Variants in HELB observed in about 807,000 individuals in gnomAD.
HELB encodes DNA helicase B, also known as DNA 5'-3' helicase B.
In HELB, 96 loss-of-function variants were observed where a neutral mutation model predicts 101.7. That is an observed-to-expected ratio of 0.94 (90% CI 0.80 to 1.12). The LOEUF is 1.12. Among genes scored for constraint, HELB ranks in the 50% most tolerant of loss-of-function variants. The probability of loss-of-function intolerance (pLI) is 0.00; values close to 1 mark genes in which losing one functional copy is unlikely to be tolerated. For synonymous variants in HELB, 437 were observed against 459.7 expected, an observed-to-expected ratio of 0.95 and a Z score of 0.63; for missense variants, 1,210 against 1,291.9, an observed-to-expected ratio of 0.94 and a Z score of 0.97.
Position 66,326,574 on chromosome 12 carries a change from A to C in HELB, c.2670+1448A>C, listed in dbSNP as rs189966733. Reference sequence around the variant, plus strand: ...ATTTTTATGCAGAAAAATTTAGGTCAGCCCAAATTTTCTACTAGTAAACAA... The same window carrying C: ...ATTTTTATGCAGAAAAATTTAGGTCCGCCCAAATTTTCTACTAGTAAACAA... On this transcript the variant is annotated intron_variant, in intron 11 of 12. Transcript: ENST00000247815. 2.0e-5 allele frequency among the ~76,000 whole-genome samples: 3 copies of C among 152,212 alleles called. No individual in the cohort carries two copies. In the East Asian group the frequency reaches 5.8e-4, roughly 30 times the overall value.
In HELB at chr12:66,337,985, T is replaced by G; in HGVS notation, c.3163-16T>G. On this transcript the variant is annotated splice_polypyrimidine_tract_variant and intron_variant, in intron 12 of 12. Coordinates refer to ENST00000247815, the MANE Select transcript of HELB (RefSeq NM_001370285.1). The stretch of plus-strand genomic sequence containing the variant: ...TTTTTACAAAATTAACTTTGTTATT[T>G]TAATTGTTCTAACAGGTGGGAGAAT... 1 of 1,404,556 alleles carries G rather than the reference T, an allele frequency of 7.1e-7. No homozygotes were observed. The highest frequency in any genetic ancestry group is 1.0e-6 in the Non-Finnish European group (1 of 998,226). 87.0% of individuals were successfully genotyped at this position (1,404,556 alleles called of 1,614,324 possible). A position where few individuals can be genotyped will look rare whatever the true frequency, so the allele number is the denominator to read the frequency against.
At position 66,306,521 on chromosome 12, in the gene HELB, A is replaced by G. The variant is rs752557527; in HGVS notation, c.777+7A>G. On this transcript the variant is annotated splice_region_variant and intron_variant, in intron 3 of 12. Coordinates refer to ENST00000247815, the MANE Select transcript of HELB (RefSeq NM_001370285.1). ...GAAACTTGGATTTAGTAAAGTAAGT[A>G]AAACATTTGCTCAGCATATAGTAAT... 1.3e-6 allele frequency: 2 copies of G among 1,566,416 alleles called. No individual in the cohort carries two copies.
At position 66,314,138 on chromosome 12, in the gene HELB, C is replaced by G; in HGVS notation, c.1833C>G (p.Ser611=). Residue 611 remains serine, a synonymous_variant, in exon 5 of 13, where the codon TCC becomes TCG. Coordinates refer to ENST00000247815, the MANE Select transcript of HELB (RefSeq NM_001370285.1). ...KSVLNLLCEH[S]KLSKLIILGD... is the part of the protein sequence containing the mutation. ...TCTTAAATTTATTGTGTGAGCACTC[C>G]AAACTTTCTAAGCTTATTATCCTTG... is the stretch of plus-strand genomic sequence containing the variant. 6.2e-7 allele frequency: 1 copy of G among 1,613,360 alleles called. No individual in the cohort carries two copies. The highest frequency in any genetic ancestry group is 8.5e-7 in the Non-Finnish European group (1 of 1,179,446).
chr12:66,319,219 G>A (rs777804724), intron 7 of HELB, among the ~76,000 whole-genome samples: 2 of 152,188 alleles, frequency 1.3e-5, no homozygotes, highest in African/African-American at 4.8e-5. Context: ...AACAAAAATT[G>A]TGACTGTCAA....
chr12:66,339,186 G>T (rs1442210866), downstream of HELB: 1 of 152,032 alleles, frequency 6.6e-6, no homozygotes, highest in Non-Finnish European at 1.5e-5. Context: ...GGCATAAATG[G>T]TTAATAGCTT....
chr12:66,324,176 C>A lies in HELB; in HGVS notation c.2491C>A (p.Arg831=). 6.2e-7 allele frequency: 1 copy of A among 1,613,120 alleles called. No homozygotes were observed. Among genetic ancestry groups the A allele is most frequent in the Non-Finnish European group, 8.5e-7 (1 of 1,179,458 alleles). Reference sequence around the variant, plus strand: ...TAAGCGTGACTTTGAAAGTAACGTTCGACTGTGCAATGGAGAGATATTTTT... The same window carrying A: ...TAAGCGTGACTTTGAAAGTAACGTTAGACTGTGCAATGGAGAGATATTTTT... ...KNKRDFESNV[R]LCNGEIFFIT... Residue 831 remains arginine (R), a synonymous_variant, in exon 10 of 13, where the codon CGA becomes AGA. Transcript: ENST00000247815.
At chr12:66,329,015 C>T (rs966297773) in intron 11 of HELB, among the ~76,000 whole-genome samples, 3 of 152,162 alleles carry the variant, frequency 2.0e-5, no homozygotes, top group Admixed American at 2.0e-4. Context: ...GATTTTGTGG[C>T]TCTTCATACA....
chr12:66,321,292 G>GC (rs34457997), intron 7 of HELB: 1 of 152,326 alleles, frequency 6.6e-6, no homozygotes, highest in African/African-American at 2.4e-5. Flanking sequence ...TGGAATGGAT[G>GC]CCCCCGCTAT....
intron 9 of HELB, among the ~76,000 whole-genome samples, chr12:66,323,020 T>G (rs1258351184): frequency 6.6e-6 from 1 of 152,018 alleles, no homozygotes; most frequent in African/African-American, 2.4e-5. Flanking sequence ...TTTTTTTGGT[T>G]TCAACCTTGG....
intron 6 of HELB, among the ~76,000 whole-genome samples, chr12:66,316,574 AATAATAAT>A (rs1053241105): frequency 4.9e-5 from 5 of 102,972 alleles, no homozygotes; most frequent in African/African-American, 1.5e-4. Context: ...CTAAAATAAT[AATAATAAT>A]AATAATAATA....
intron 7 of HELB, among the ~76,000 whole-genome samples, chr12:66,321,050 C>T (rs188137681): frequency 2.6e-5 from 4 of 152,220 alleles, no homozygotes; most frequent in South Asian, 2.1e-4. Flanking sequence ...TGTTTTCTAG[C>T]GGTAATCTTC....
chr12:66,327,352 C>T (rs2137011157), intron 11 of HELB, among the ~76,000 whole-genome samples: 1 of 152,150 alleles, frequency 6.6e-6, no homozygotes, highest in South Asian at 2.1e-4. Flanking sequence ...TTCCTCTGTT[C>T]TGTCTCTCTA....
intron 3 of HELB, among the ~76,000 whole-genome samples, chr12:66,308,043 T>TAAAA (rs10686380): frequency 5.6e-5 from 6 of 108,024 alleles, no homozygotes; most frequent in Admixed American, 1.0e-4. Flanking sequence ...CTACCTCCTC[T>TAAAA]AAAAAAAAAA....
At position 66,310,248 on chromosome 12, in the gene HELB, A is replaced by G; in HGVS notation, c.1320A>G (p.Ile440Met). 1 of 1,614,124 alleles carries G rather than the reference A, an allele frequency of 6.2e-7. No homozygotes were observed. Among genetic ancestry groups the G allele is most frequent in the South Asian group, 1.1e-5 (1 of 91,082 alleles). ...GTGAAAATGAAATTAATGCAGAAAT[A>G]AGTGAAGTTCAGCTGGATCAGGATC... ...TNGENEINAE[I>M]SEVQLDQDQV... is the part of the protein sequence containing the mutation. The change falls in exon 4 of 13, where the codon ATA (isoleucine) becomes ATG (methionine). Residue 440 changes from isoleucine to methionine, a missense_variant. By Grantham distance (10) the Ile-to-Met change is conservative. Transcript: ENST00000247815.
chr12:66,302,926 C>T (rs7308068), intron 1 of HELB, 136 bp downstream of exon 1: 318,184 of 630,154 alleles, frequency 0.5, 83,232 homozygotes, highest in African/African-American at 0.6. Flanking sequence ...TTCATCCTAC[C>T]AAGGGTAAAA....
chr12:66,322,628 C>A, intron 8 of HELB, 96 bp from the exon 9 acceptor site: 5 of 660,970 alleles, frequency 7.6e-6, no homozygotes, highest in Non-Finnish European at 7.7e-6. Flanking sequence ...GTCTTGGAAA[C>A]GTTTTGTAGA....
rs930703922 is a variant in HELB, at chr12:66,305,001, A to G, written c.458A>G (p.Asn153Ser). Residue 153 changes from asparagine to serine, a missense_variant, in exon 2 of 13, where the codon AAC becomes AGC. Physicochemically the swap from Asn to Ser is conservative, Grantham distance 46. Transcript: ENST00000247815. Reference protein sequence around the residue: ...KFLTWVKEVSNYKNLNFENLR... With the variant: ...KFLTWVKEVSSYKNLNFENLR... ...TTAACATGGGTAAAGGAGGTATCAAACTACAAAAACCTAAACTTTGAAAAT... is the reference window on the plus strand; with the variant it reads ...TTAACATGGGTAAAGGAGGTATCAAGCTACAAAAACCTAAACTTTGAAAAT... 4 of 1,613,818 alleles carry G rather than the reference A, an allele frequency of 2.5e-6. No homozygotes were observed. Among genetic ancestry groups the G allele is most frequent in the Non-Finnish European group, 3.4e-6 (4 of 1,179,980 alleles).
Position 66,331,406 on chromosome 12 carries a change from A to G in HELB, c.2923A>G (p.Ser975Gly), listed in dbSNP as rs777167225. 8 of 1,614,108 alleles carry G rather than the reference A, an allele frequency of 5.0e-6. No individual in the cohort carries two copies. The highest frequency in any genetic ancestry group is 4.5e-5 in the East Asian group (2 of 44,896). Residue 975 changes from serine to glycine, a missense_variant, in exon 12 of 13, where the codon AGT becomes GGT. By Grantham distance (56) the Ser-to-Gly change is moderately conservative. Transcript: ENST00000247815. ...GTCCCCACGGAAGAGCTCTGGAGAC[A>G]GTGGAGGACCCAGCACACCGTCAGC... is the stretch of plus-strand genomic sequence containing the variant. ...FPSPRKSSGDSGGPSTPSASP... is the reference protein window; with the variant it reads ...FPSPRKSSGDGGGPSTPSASP...
At chr12:66,307,377 A>T (rs1366850882) in intron 3 of HELB, among the ~76,000 whole-genome samples, 3 of 147,656 alleles carry the variant, frequency 2.0e-5, no homozygotes, top group Admixed American at 7.2e-5. Flanking sequence ...CTTTTTGTTT[A>T]AAAAAACCCT....
Sources: allele counts gnomAD v4.1 joint callset (sites outside exome capture counted in the v4.1 genomes callset), GRCh38; gene constraint gnomAD v4.1.1; transcripts MANE v1.5; gene names NCBI Gene and HGNC (gene_info 2026-07-23, HGNC 2026-07-21).